Variants in GLIS3 observed in about 807,000 individuals in gnomAD.
GLIS3 encodes zinc finger protein GLIS3.
Under a neutral mutation model 78.6 loss-of-function variants are expected in GLIS3, and 53 were observed. The observed-to-expected ratio is 0.67, with a 90% CI of 0.54 to 0.85. The LOEUF is 0.85. Ranked by LOEUF, GLIS3 falls within the 40% of genes least tolerant of loss-of-function variation. The probability of loss-of-function intolerance (pLI) is 0.00; values close to 1 mark genes in which losing one functional copy is unlikely to be tolerated. For synonymous variants in GLIS3, 684 were observed against 509.9 expected, an observed-to-expected ratio of 1.34 and a Z score of -4.60; for missense variants, 1,703 against 1,231.1, an observed-to-expected ratio of 1.38 and a Z score of -5.74.
intron 4 of GLIS3, among the ~76,000 whole-genome samples, chr9:4,056,071 T>G (rs887345101): frequency 6.6e-6 from 1 of 152,222 alleles, no homozygotes; most frequent in African/African-American, 2.4e-5. Context: ...CAGCTATGTC[T>G]GTCCCTATTG....
In GLIS3 at chr9:4,286,532, A is replaced by G; in HGVS notation, c.-98-9T>C. ...TGGTGTGGGTTATAAGCCTGTTTAA[A>G]AAAATAAACGCAGGCATTTTTAAAA... On this transcript the variant is annotated splice_polypyrimidine_tract_variant and intron_variant, in intron 1 of 10. Coordinates refer to ENST00000381971, the MANE Select transcript of GLIS3 (RefSeq NM_001042413.2). 7.4e-7 allele frequency: 1 copy of G among 1,351,836 alleles called. No individual in the cohort carries two copies. Among genetic ancestry groups the G allele is most frequent in the East Asian group, 2.3e-5 (1 of 43,126 alleles). 83.7% of individuals were successfully genotyped at this position (1,351,836 alleles called of 1,614,324 possible).
chr9:3,829,541 C>G (rs778256054), intron 9 of GLIS3, 49 bp from the exon 10 acceptor site: 7 of 1,601,126 alleles, frequency 4.4e-6, no homozygotes, highest in African/African-American at 4.0e-5. Context: ...GGCACAAGTT[C>G]CACAGATCAT....
At chr9:3,865,876 TGAA>T (rs2130341131) in intron 8 of GLIS3, among the ~76,000 whole-genome samples, 1 of 152,182 alleles carries the variant, frequency 6.6e-6, no homozygotes, top group Admixed American at 6.5e-5. Flanking sequence ...TAATCTAAAA[TGAA>T]GAACCAGTGC....
chr9:4,273,181 T>C (rs1346751061), intron 2 of GLIS3, among the ~76,000 whole-genome samples: 1 of 152,142 alleles, frequency 6.6e-6, no homozygotes, highest in African/African-American at 2.4e-5. Context: ...AAGACAGAAA[T>C]GCAGCAAGGC....
At chr9:4,409,759 G>A in the GLIS3 span, among the ~76,000 whole-genome samples, 1 of 152,110 alleles carries the variant, frequency 6.6e-6, no homozygotes, top group Non-Finnish European at 1.5e-5. Flanking sequence ...GAAAAAAAGG[G>A]AATTTCTCAT....
At chr9:4,242,038 T>C (rs1335921058) in intron 2 of GLIS3, among the ~76,000 whole-genome samples, 1 of 152,174 alleles carries the variant, frequency 6.6e-6, no homozygotes, top group Non-Finnish European at 1.5e-5. Flanking sequence ...TTCTTACATG[T>C]TAGAATAAAA....
intron 2 of GLIS3, among the ~76,000 whole-genome samples, chr9:4,324,769 C>G (rs1817578513): frequency 6.6e-6 from 1 of 152,180 alleles, no homozygotes; most frequent in African/African-American, 2.4e-5. Flanking sequence ...GTACCATTTT[C>G]TGTAAGTCAT....
chr9:4,138,933 A>G (rs1014921034), intron 2 of GLIS3, among the ~76,000 whole-genome samples: 2 of 152,198 alleles, frequency 1.3e-5, no homozygotes, highest in Non-Finnish European at 2.9e-5. Flanking sequence ...GGTATGTTGT[A>G]AGGAGGGAGC....
At chr9:4,313,118 G>A (rs1563929542) in intron 2 of GLIS3, among the ~76,000 whole-genome samples, 1 of 152,216 alleles carries the variant, frequency 6.6e-6, no homozygotes, top group African/African-American at 2.4e-5. Flanking sequence ...CTGTGTAACA[G>A]TACTCTTTTG....
chr9:4,206,414 T>A lies in GLIS3; in HGVS notation c.388+79624A>T, dbSNP rs540770374. On this transcript the variant is annotated intron_variant, in intron 2 of 10. Transcript: ENST00000381971. ...ACATCTAACCTTGAAAGAGGCTTAT[T>A]TTCTATTACTATTTCCAACTGAAAG... is the stretch of plus-strand genomic sequence containing the variant. Among the ~76,000 whole-genome samples, 3 of 152,336 alleles carry A rather than the reference T, an allele frequency of 2.0e-5. No individual in the cohort carries two copies. In the South Asian group the frequency reaches 6.2e-4, roughly 32 times the overall value.
At chr9:4,011,305 C>G (rs887548369) in intron 4 of GLIS3, among the ~76,000 whole-genome samples, 3 of 152,084 alleles carry the variant, frequency 2.0e-5, no homozygotes, top group Admixed American at 1.3e-4. Context: ...GGGGAGAGAA[C>G]AGGGTGAGTA....
At chr9:4,329,655 G>A (rs1587389063) in intron 2 of GLIS3, among the ~76,000 whole-genome samples, 2 of 152,072 alleles carry the variant, frequency 1.3e-5, no homozygotes, top group Non-Finnish European at 2.9e-5. Flanking sequence ...ATTCCAGGAT[G>A]AGAGAGAAAT....
chr9:4,365,710 T>G, the GLIS3 span, among the ~76,000 whole-genome samples: 1 of 152,264 alleles, frequency 6.6e-6, no homozygotes, highest in African/African-American at 2.4e-5. Flanking sequence ...TTGCTTGCAG[T>G]GCTGCAAAGC....
chr9:3,994,737 G>A (rs1185397165), intron 4 of GLIS3, among the ~76,000 whole-genome samples: 2 of 152,096 alleles, frequency 1.3e-5, no homozygotes, highest in African/African-American at 2.4e-5. Flanking sequence ...AATCAAAACT[G>A]ATTCCTTATT....
intron 2 of GLIS3, among the ~76,000 whole-genome samples, chr9:4,191,504 T>C (rs929996158): frequency 2.0e-5 from 3 of 152,220 alleles, no homozygotes; most frequent in Non-Finnish European, 4.4e-5. Context: ...GAGGAGTTTT[T>C]ACAATGAGCA....
chr9:4,408,686 C>T, the GLIS3 span, among the ~76,000 whole-genome samples: 5 of 126,252 alleles, frequency 4.0e-5, no homozygotes. Context: ...GAGATCACGC[C>T]ACCGCACTCC....
At chr9:4,278,122 T>C (rs747337375) in intron 2 of GLIS3, among the ~76,000 whole-genome samples, 4 of 152,262 alleles carry the variant, frequency 2.6e-5, no homozygotes, top group Non-Finnish European at 5.9e-5. Flanking sequence ...AATACACTGA[T>C]GTTGCTGAAA....
intron 4 of GLIS3, among the ~76,000 whole-genome samples, chr9:4,085,350 G>A (rs1395249995): frequency 6.6e-6 from 1 of 151,620 alleles, no homozygotes; most frequent in Non-Finnish European, 1.5e-5. Context: ...GCATTTTGAA[G>A]ATGCTTTGTT....
At chr9:4,228,692 T>C (rs967376920) in intron 2 of GLIS3, among the ~76,000 whole-genome samples, 8 of 152,330 alleles carry the variant, frequency 5.3e-5, no homozygotes, top group African/African-American at 1.9e-4. Context: ...AAACACATCT[T>C]TGCTCTTAAT....
Sources: gnomAD v4.1 joint callset for allele counts (sites outside exome capture counted in the v4.1 genomes callset) on GRCh38, gnomAD v4.1.1 for gene constraint, MANE v1.5 for transcripts, NCBI Gene and HGNC (gene_info 2026-07-23, HGNC 2026-07-21) for gene names.